Variants in GNG10 observed in about 807,000 individuals in gnomAD.
GNG10 encodes guanine nucleotide-binding protein G(I)/G(S)/G(O) subunit gamma-10.
A neutral mutation model predicts 6.8 loss-of-function variants in GNG10; 7 were observed. The observed-to-expected ratio is 1.02, with a 90% CI of 0.58 to 1.92. The LOEUF is 1.92. Among genes scored for constraint, GNG10 ranks in the 30% most tolerant of loss-of-function variants. The pLI is 0.00. For missense variants in GNG10, 57 were observed against 86.1 expected (o/e 0.66, Z 1.34); for synonymous variants, 28 against 34.8 (o/e 0.80, Z 0.69).
chr9:111,667,981 C>T (rs1216187020), intron 2 of GNG10, among the ~76,000 whole-genome samples: 5 of 152,046 alleles, frequency 3.3e-5, no homozygotes, highest in African/African-American at 9.7e-5. Context: ...CTCAGCCACC[C>T]GAGTAGCTGG....
chr9:111,667,687 A>G (rs1016689016), intron 2 of GNG10, among the ~76,000 whole-genome samples: 10 of 152,168 alleles, frequency 6.6e-5, no homozygotes, highest in African/African-American at 1.9e-4. Flanking sequence ...TTCTTTCCCA[A>G]TGGTTTTCAG....
rs1462864234 is a variant in GNG10 at position 111,669,988 on chromosome 9, C to A, written c.*726C>A. ...TCTCTGCTTTGTAGTTGTGGCTGTACTTAAAGAAATACAGAATTTCATATA... is the reference window on the plus strand; with the variant it reads ...TCTCTGCTTTGTAGTTGTGGCTGTAATTAAAGAAATACAGAATTTCATATA... On this transcript the variant is annotated 3_prime_UTR_variant, in exon 3 of 3. Transcript: ENST00000374293. 1 of 148,940 alleles carries A rather than the reference C, an allele frequency of 6.7e-6. No individual in the cohort carries two copies. 9.2% of individuals were successfully genotyped at this position (148,940 alleles called of 1,614,324 possible). A position where few individuals can be genotyped will look rare whatever the true frequency, so the allele number is the denominator to read the frequency against.
chr9:111,663,828 T>C (rs1589355427), intron 1 of GNG10, among the ~76,000 whole-genome samples: 1 of 60,234 alleles, frequency 1.7e-5, no homozygotes. Flanking sequence ...ATTCTTTTTT[T>C]TTTTTTTTTG....
At chr9:111,668,537 T>C (rs956169773) in intron 2 of GNG10, among the ~76,000 whole-genome samples, 2 of 150,266 alleles carry the variant, frequency 1.3e-5, no homozygotes, top group African/African-American at 4.9e-5. Flanking sequence ...CATGCTGGAG[T>C]GCAGTGGCAC....
chr9:111,662,482 T>C (rs1830838388), intron 1 of GNG10, among the ~76,000 whole-genome samples: 1 of 152,024 alleles, frequency 6.6e-6, no homozygotes, highest in South Asian at 2.1e-4. Flanking sequence ...AGCAAGGAAG[T>C]AGGGATTTCC....
chr9:111,667,779 A>T (rs1029592746), intron 2 of GNG10, among the ~76,000 whole-genome samples: 46 of 152,216 alleles, frequency 3.0e-4, no homozygotes, highest in African/African-American at 1.0e-3. Flanking sequence ...TTAAAAATTG[A>T]TAAATGAAAA....
chr9:111,663,731 A>G (rs1830858148), intron 1 of GNG10, among the ~76,000 whole-genome samples: 1 of 152,160 alleles, frequency 6.6e-6, no homozygotes, highest in South Asian at 2.1e-4. Flanking sequence ...ATTCACAAAG[A>G]CAATGTGGGG....
At position 111,662,069 on chromosome 9, in the gene GNG10, C is replaced by A. The variant is rs1830830122; in HGVS notation, c.81+354C>A. ...GGCTGGGGAGGCCACCGCAGGGCGGCGAATTGGTGATGGATTGGTAGGATG... is the reference window on the plus strand; with the variant it reads ...GGCTGGGGAGGCCACCGCAGGGCGGAGAATTGGTGATGGATTGGTAGGATG... On this transcript the variant is annotated intron_variant, in intron 1 of 2. Transcript: ENST00000374293. 2.0e-5 allele frequency among the ~76,000 whole-genome samples: 3 copies of A among 152,110 alleles called. No individual in the cohort carries two copies. In the East Asian group the frequency reaches 5.8e-4, roughly 30 times the overall value.
chr9:111,666,769 G>T lies in GNG10; in HGVS notation c.82-46G>T, dbSNP rs776432405. 7 of 1,590,864 alleles carry T rather than the reference G, an allele frequency of 4.4e-6. No individual in the cohort carries two copies. In the African/African-American group the frequency reaches 9.4e-5, roughly 21 times the overall value. ...TTCAGAATATCCTTGACTGCCGGGT[G>T]GCTTGGCTGTGAGCAGGGTGCCATG... is the stretch of plus-strand genomic sequence containing the variant. On this transcript the variant is annotated intron_variant, in intron 1 of 2. Transcript: ENST00000374293.
At chr9:111,663,259 C>T (rs539995004) in intron 1 of GNG10, among the ~76,000 whole-genome samples, 3 of 151,948 alleles carry the variant, frequency 2.0e-5, no homozygotes, top group African/African-American at 2.4e-5. Context: ...AGGGAGACTG[C>T]TGGTCATATT....
At chr9:111,664,327 A>G (rs140880505) in intron 1 of GNG10, among the ~76,000 whole-genome samples, 45 of 152,298 alleles carry the variant, frequency 3.0e-4, no homozygotes, top group Middle Eastern at 3.4e-3. Context: ...GAGAGTCACA[A>G]CCATTCCAGG....
At chr9:111,663,684 G>A (rs1384325847) in intron 1 of GNG10, among the ~76,000 whole-genome samples, 1 of 152,138 alleles carries the variant, frequency 6.6e-6, no homozygotes, top group African/African-American at 2.4e-5. Flanking sequence ...CTGTTTGAGG[G>A]GAAGAAGTCA....
At chr9:111,666,740 C>A in intron 1 of GNG10, 75 bp from the exon 2 acceptor site, 1 of 1,514,302 alleles carries the variant, frequency 6.6e-7, no homozygotes, top group Non-Finnish European at 8.9e-7. Context: ...GTTGGATGAT[C>A]GTTTTCAGAA....
At chr9:111,667,325 G>C (rs1830918581) in intron 2 of GNG10, among the ~76,000 whole-genome samples, 2 of 152,054 alleles carry the variant, frequency 1.3e-5, no homozygotes, top group African/African-American at 4.8e-5. Context: ...CATCTCCCAG[G>C]TTCAAGCAAT....
intron 1 of GNG10, among the ~76,000 whole-genome samples, chr9:111,662,856 C>T (rs1401270096): frequency 6.6e-6 from 1 of 152,038 alleles, no homozygotes; most frequent in African/African-American, 2.4e-5. Flanking sequence ...GGTAGGCAGA[C>T]GTTTTTTCTT....
chr9:111,663,313 A>T (rs1830853108), intron 1 of GNG10, among the ~76,000 whole-genome samples: 1 of 152,154 alleles, frequency 6.6e-6, no homozygotes, highest in South Asian at 2.1e-4. Flanking sequence ...CCATCCTGGA[A>T]TGTGAGTGCT....
Position 111,661,845 on chromosome 9 carries a change from C to T in GNG10, c.81+130C>T. ...GCGAGGCCTCGGCGGGGCGCGGGGGCGGTGGGGTCCGCGGTGAGGGAGGGC... is the reference window on the plus strand; with the variant it reads ...GCGAGGCCTCGGCGGGGCGCGGGGGTGGTGGGGTCCGCGGTGAGGGAGGGC... On this transcript the variant is annotated intron_variant, in intron 1 of 2. Transcript: ENST00000374293. The surrounding 1 kb of genome is among the most constrained non-coding windows in gnomAD (Gnocchi z 6.1). 1 of 332,910 alleles carries T rather than the reference C, an allele frequency of 3.0e-6. No homozygotes were observed. The highest frequency in any genetic ancestry group is 4.8e-6 in the Non-Finnish European group (1 of 209,532). 20.6% of individuals were successfully genotyped at this position (332,910 alleles called of 1,614,324 possible).
chr9:111,663,166 A>G (rs748294844), intron 1 of GNG10, among the ~76,000 whole-genome samples: 3 of 152,180 alleles, frequency 2.0e-5, no homozygotes, highest in Non-Finnish European at 2.9e-5. Flanking sequence ...GTTTTCTTCT[A>G]AGGCAGAGGA....
At chr9:111,665,893 AT>A (rs571066443) in intron 1 of GNG10, among the ~76,000 whole-genome samples, 8,587 of 121,840 alleles carry the variant, frequency 0.07, 413 homozygotes, top group African/African-American at 0.16. Context: ...CACCCGGTTA[AT>A]TTTTTTTTTT....
Sources: allele counts gnomAD v4.1 joint callset (sites outside exome capture counted in the v4.1 genomes callset), GRCh38; gene constraint gnomAD v4.1.1; non-coding constraint Gnocchi (gnomAD v3.1); transcripts MANE v1.5; gene names NCBI Gene and HGNC (gene_info 2026-07-23, HGNC 2026-07-21).